ALK: variants seen among roughly 807,000 people sequenced by gnomAD.
ALK encodes the protein ALK receptor tyrosine kinase, also known as ALK tyrosine kinase receptor.
In ALK, 74 loss-of-function variants were observed where a neutral mutation model predicts 163.1. The observed-to-expected ratio is 0.45, with a 90% CI of 0.38 to 0.55. ALK has a LOEUF of 0.55. Among genes scored for constraint, ALK ranks in the 20% least tolerant of loss-of-function variants. The probability of loss-of-function intolerance (pLI) is 0.00; values close to 1 mark genes in which losing one functional copy is unlikely to be tolerated. For missense variants in ALK, 2,063 were observed against 2,105.3 expected, an observed-to-expected ratio of 0.98 and a Z score of 0.39; for synonymous variants, 960 against 843.2, an observed-to-expected ratio of 1.14 and a Z score of -2.40.
At chr2:29,910,894 C>T (rs1013221960) in intron 1 of ALK, among the ~76,000 whole-genome samples, 1 of 152,034 alleles carries the variant, frequency 6.6e-6, no homozygotes, top group Admixed American at 6.5e-5. Flanking sequence ...TGAGAAACTC[C>T]AAGTGCAGCC....
intron 3 of ALK, among the ~76,000 whole-genome samples, chr2:29,539,073 T>G (rs984290024): frequency 3.9e-5 from 6 of 152,118 alleles, no homozygotes; most frequent in African/African-American, 1.4e-4. Flanking sequence ...TCAGCTGTAC[T>G]TTTCCTTTAC....
chr2:29,408,239 C>T (rs1488993174), intron 4 of ALK, among the ~76,000 whole-genome samples: 1 of 151,804 alleles, frequency 6.6e-6, no homozygotes, highest in Non-Finnish European at 1.5e-5. Flanking sequence ...CGTGCCACCA[C>T]ACCTGGCTAT....
intron 1 of ALK, among the ~76,000 whole-genome samples, chr2:29,766,443 A>G (rs1410328859): frequency 6.6e-6 from 1 of 152,112 alleles, no homozygotes; most frequent in Non-Finnish European, 1.5e-5. Flanking sequence ...TTTGCCTCAC[A>G]TATTTGAGTA....
At chr2:29,547,929 A>G (rs958005939) in intron 3 of ALK, among the ~76,000 whole-genome samples, 1 of 152,368 alleles carries the variant, frequency 6.6e-6, no homozygotes. Context: ...TAGTGAAAAT[A>G]TATCTTAAAT....
intron 3 of ALK, among the ~76,000 whole-genome samples, chr2:29,650,434 G>T (rs1021863057): frequency 6.6e-6 from 1 of 152,124 alleles, no homozygotes; most frequent in African/African-American, 2.4e-5. Flanking sequence ...TTTCATTATG[G>T]AAAAGGGTAA....
chr2:29,261,626 C>T (rs1017374192), intron 11 of ALK, among the ~76,000 whole-genome samples: 11 of 152,176 alleles, frequency 7.2e-5, no homozygotes, highest in African/African-American at 2.7e-4. Flanking sequence ...TCATTATGCT[C>T]TGCCTATTTT....
At chr2:29,228,714 CCAGCACCCTGCCTCTGGCTGG>C (rs1664088443) in intron 16 of ALK, among the ~76,000 whole-genome samples, 149 bp downstream of exon 16, 2 of 149,616 alleles carry the variant, frequency 1.3e-5, no homozygotes, top group Non-Finnish European at 3.0e-5. Flanking sequence ...GGCTCGAAAG[CCAGCACCCTGCCTCTGGCTGG>C]TCCAGGCAGG....
chr2:29,232,864 G>A (rs1321720689), intron 14 of ALK, among the ~76,000 whole-genome samples: 1 of 152,154 alleles, frequency 6.6e-6, no homozygotes, highest in Non-Finnish European at 1.5e-5. Context: ...GACCCCCAAA[G>A]ATTCAAGGTT....
intron 1 of ALK, among the ~76,000 whole-genome samples, chr2:29,862,015 A>G (rs1324447568): frequency 1.3e-5 from 2 of 152,212 alleles, no homozygotes; most frequent in African/African-American, 4.8e-5. Flanking sequence ...TAAAAGAATA[A>G]AGGACAAAAA....
intron 4 of ALK, among the ~76,000 whole-genome samples, chr2:29,431,249 A>G (rs1670265387): frequency 6.6e-6 from 1 of 152,204 alleles, no homozygotes; most frequent in South Asian, 2.1e-4. Context: ...TAAATATGGG[A>G]AGATAACGTG....
At chr2:29,435,541 T>C (rs1670376037) in intron 4 of ALK, among the ~76,000 whole-genome samples, 1 of 152,040 alleles carries the variant, frequency 6.6e-6, no homozygotes, top group South Asian at 2.1e-4. Flanking sequence ...AGTCAAATAT[T>C]ACCCCCTCTC....
At chr2:29,713,996 C>T (rs988887588) in intron 2 of ALK, among the ~76,000 whole-genome samples, 1 of 151,986 alleles carries the variant, frequency 6.6e-6, no homozygotes, top group East Asian at 1.9e-4. Context: ...CTCTGTGGCT[C>T]TAAAACTCAA....
At chr2:29,655,433 T>C (rs775107853) in intron 3 of ALK, among the ~76,000 whole-genome samples, 3 of 151,976 alleles carry the variant, frequency 2.0e-5, no homozygotes, top group Middle Eastern at 3.4e-3. Context: ...TTTTTGGGGG[T>C]AAAAGAAAAA....
intron 5 of ALK, among the ~76,000 whole-genome samples, chr2:29,363,795 A>G (rs1668436553): frequency 6.6e-6 from 1 of 152,216 alleles, no homozygotes. Context: ...AGACTCAGCC[A>G]TCTCTTCAGA....
chr2:29,783,382 A>G (rs1321652775), intron 1 of ALK, among the ~76,000 whole-genome samples: 1 of 143,136 alleles, frequency 7.0e-6, no homozygotes, highest in African/African-American at 2.6e-5. Flanking sequence ...AAGAAAAGAG[A>G]ACACATCCAC....
chr2:29,210,901 A>G (rs1406717628), intron 24 of ALK, among the ~76,000 whole-genome samples: 2 of 152,104 alleles, frequency 1.3e-5, no homozygotes, highest in South Asian at 2.1e-4. Flanking sequence ...ATCAGCTTCT[A>G]CTCTCTGCTT....
chr2:29,348,311 G>A (rs1668013137), intron 5 of ALK, among the ~76,000 whole-genome samples: 1 of 152,202 alleles, frequency 6.6e-6, no homozygotes, highest in Non-Finnish European at 1.5e-5. Context: ...TGTCTGTAAA[G>A]TGCTCACAGC....
At chr2:29,787,262 T>G (rs1434751863) in intron 1 of ALK, among the ~76,000 whole-genome samples, 2 of 152,216 alleles carry the variant, frequency 1.3e-5, no homozygotes, top group African/African-American at 4.8e-5. Flanking sequence ...ATTGTTCATC[T>G]AGAATACATG....
At chr2:29,375,215 T>C (rs1020264397) in intron 5 of ALK, among the ~76,000 whole-genome samples, 4 of 152,210 alleles carry the variant, frequency 2.6e-5, no homozygotes, top group Non-Finnish European at 1.5e-5. Context: ...CATGGCATCA[T>C]TTACAAGGCA....
Sources: allele counts gnomAD v4.1 joint callset (sites outside exome capture counted in the v4.1 genomes callset), GRCh38; gene constraint gnomAD v4.1.1; transcripts MANE v1.5; gene names NCBI Gene and HGNC (gene_info 2026-07-23, HGNC 2026-07-21).